PCM1: variants seen among roughly 807,000 people sequenced by gnomAD.
The protein encoded by PCM1 is pericentriolar material 1.
A neutral mutation model predicts 241.9 loss-of-function variants in PCM1; 157 were observed. The ratio of observed to expected loss-of-function variants is 0.65; its 90% CI spans 0.57 to 0.74. PCM1 has a LOEUF of 0.74. PCM1 is among the 30% of genes least tolerant of loss of function. PCM1 has a pLI of 0.00. For missense variants in PCM1, 3,478 were observed against 2,360.1 expected (o/e 1.47, Z -9.81); for synonymous variants, 1,085 against 784.9 (o/e 1.38, Z -6.39).
At chr8:17,964,418 T>G in intron 17 of PCM1, 150 bp from the exon 18 acceptor site, 1 of 571,512 alleles carries the variant, frequency 1.7e-6, no homozygotes, top group East Asian at 2.8e-5. Context: ...ATAGGGAGAG[T>G]GCCACCCGTA....
rs369115996 is a variant in PCM1, at chr8:18,025,419, A to C, written c.5900A>C (p.Glu1967Ala). ...KSDEEDFVKV[E>A]DLPLKLTIYS... ...GATGAAGAAGATTTTGTAAAAGTTGAAGATTTACCACTGAAACTGACAATA... is the reference window on the plus strand; with the variant it reads ...GATGAAGAAGATTTTGTAAAAGTTGCAGATTTACCACTGAAACTGACAATA... Residue 1967 changes from glutamate (E) to alanine (A), a missense_variant, in exon 37 of 39, where the codon GAA becomes GCA. Physicochemically the swap from Glu to Ala is moderately radical, Grantham distance 107 (BLOSUM62 -1). Transcript: ENST00000325083. 8 of 1,603,162 alleles carry C rather than the reference A, an allele frequency of 5.0e-6. No homozygotes were observed. The highest frequency in any genetic ancestry group is 6.8e-6 in the Non-Finnish European group (8 of 1,172,330).
chr8:17,960,498 G>A (rs1298792628), intron 15 of PCM1, 54 bp downstream of exon 15: 19 of 1,402,732 alleles, frequency 1.4e-5, no homozygotes, highest in Admixed American at 2.3e-5. Flanking sequence ...AAAACCTTAG[G>A]TCAACTGAAA....
At chr8:18,022,650 G>A (rs2093848825) in intron 36 of PCM1, among the ~76,000 whole-genome samples, 1 of 152,150 alleles carries the variant, frequency 6.6e-6, no homozygotes. Context: ...TTATCACTAT[G>A]GACAGAAAAC....
chr8:17,958,287 G>A (rs191715679), intron 13 of PCM1, among the ~76,000 whole-genome samples: 3 of 152,020 alleles, frequency 2.0e-5, no homozygotes, highest in Non-Finnish European at 2.9e-5. Context: ...CAGAGCCTGC[G>A]ATCTTAACCT....
At chr8:17,975,833 T>G (rs943253119) in intron 23 of PCM1, among the ~76,000 whole-genome samples, 4 of 152,186 alleles carry the variant, frequency 2.6e-5, no homozygotes, top group Non-Finnish European at 4.4e-5. Flanking sequence ...GCATATGAGG[T>G]AAGAATATAT....
intron 2 of PCM1, chr8:17,926,540 C>G (rs1289511552): frequency 1.3e-5 from 2 of 152,192 alleles, no homozygotes; most frequent in African/African-American, 2.4e-5. Context: ...ATAGTGATCA[C>G]AGGCAATGCC....
At chr8:17,950,339 T>A (rs1586534351) in intron 7 of PCM1, among the ~76,000 whole-genome samples, 1 of 152,306 alleles carries the variant, frequency 6.6e-6, no homozygotes, top group African/African-American at 2.4e-5. Context: ...ACTGAGTCAC[T>A]ACTATTAATT....
In PCM1 at chr8:17,947,138, C is replaced by G. The variant is rs1336297723; in HGVS notation, c.784-48C>G. ...TTGCCATTGATAATTGAAACCGCAACATGGATTTTAATAGTCAGATACAAG... is the reference window on the plus strand; with the variant it reads ...TTGCCATTGATAATTGAAACCGCAAGATGGATTTTAATAGTCAGATACAAG... On this transcript the variant is annotated intron_variant, in intron 6 of 38. Coordinates refer to ENST00000325083, the MANE Select transcript of PCM1 (RefSeq NM_006197.4). The G allele has an allele frequency of 6.5e-6, 8 of 1,234,316 alleles. No homozygotes were observed. In the South Asian group the frequency reaches 9.0e-5, roughly 14 times the overall value. 76.5% of individuals were successfully genotyped at this position (1,234,316 alleles called of 1,614,324 possible). A position where few individuals can be genotyped will look rare whatever the true frequency, so the allele number is the denominator to read the frequency against.
chr8:18,016,020 C>T (rs1212524223), intron 36 of PCM1, among the ~76,000 whole-genome samples: 1 of 152,204 alleles, frequency 6.6e-6, no homozygotes, highest in Non-Finnish European at 1.5e-5. Flanking sequence ...TCCCGAGTAG[C>T]TGGGATTACA....
chr8:18,019,951 T>A (rs2093626174), intron 36 of PCM1, among the ~76,000 whole-genome samples: 1 of 152,154 alleles, frequency 6.6e-6, no homozygotes, highest in Non-Finnish European at 1.5e-5. Context: ...CTAAGGCAGT[T>A]AAGGGAGTTC....
At chr8:18,009,355 GTGTATACTCTTTA>G (rs2092088584) in intron 30 of PCM1, among the ~76,000 whole-genome samples, 179 bp from the exon 31 acceptor site, 1 of 152,134 alleles carries the variant, frequency 6.6e-6, no homozygotes, top group South Asian at 2.1e-4. Flanking sequence ...TTCTTCCCTT[GTGTATACTCTTTA>G]AGCAGGACTA....
chr8:17,955,198 A>G (rs146409430), intron 9 of PCM1, among the ~76,000 whole-genome samples: 1 of 152,152 alleles, frequency 6.6e-6, no homozygotes, highest in East Asian at 1.9e-4. Context: ...ATTCTTGTCA[A>G]TTTCCATCTT....
intron 31 of PCM1, among the ~76,000 whole-genome samples, chr8:18,010,370 G>C (rs979999875): frequency 2.0e-5 from 3 of 152,144 alleles, no homozygotes; most frequent in African/African-American, 7.2e-5. Flanking sequence ...AGTAGACGAA[G>C]TCAGGCTGTC....
At chr8:18,025,908 T>C (rs1024596795) in intron 38 of PCM1, among the ~76,000 whole-genome samples, 3 of 152,038 alleles carry the variant, frequency 2.0e-5, no homozygotes, top group African/African-American at 2.4e-5. Flanking sequence ...CTCACGCCTG[T>C]AATCCCAGCA....
chr8:17,960,245 T>C, intron 14 of PCM1, 70 bp from the exon 15 acceptor site: 2 of 1,554,152 alleles, frequency 1.3e-6, no homozygotes, highest in South Asian at 2.4e-5. Context: ...CTAGGTACTG[T>C]GTTATGTTGT....
rs896229892 is a variant in PCM1 at position 17,952,846 on chromosome 8, C to T, written c.1072-124C>T. 6.3e-6 allele frequency: 4 copies of T among 636,344 alleles called. No individual in the cohort carries two copies. The African/African-American group carries it at 7.3e-5, about 12-fold the overall frequency. The allele number at this position is 636,344 out of a possible 1,614,324, so 39.4% of individuals were successfully genotyped here. On this transcript the variant is annotated intron_variant, in intron 8 of 38. Coordinates refer to ENST00000325083, the MANE Select transcript of PCM1 (RefSeq NM_006197.4). ...GGGAATAGTAAGGGTATATACTTAC[C>T]TACCAGCACAGCCTAGCAAATATTT...
intron 29 of PCM1, among the ~76,000 whole-genome samples, chr8:17,998,636 G>A (rs2087913041): frequency 6.6e-6 from 1 of 152,100 alleles, no homozygotes; most frequent in African/African-American, 2.4e-5. Flanking sequence ...CACAGCACTG[G>A]GGCTTGCCCA....
chr8:17,981,556 G>C (rs773482873), intron 24 of PCM1, among the ~76,000 whole-genome samples: 3 of 152,094 alleles, frequency 2.0e-5, no homozygotes, highest in Non-Finnish European at 4.4e-5. Flanking sequence ...GCAATAACAT[G>C]ACATTAGACT....
chr8:18,006,653 G>T (rs1293092079), intron 30 of PCM1, among the ~76,000 whole-genome samples: 1 of 152,014 alleles, frequency 6.6e-6, no homozygotes, highest in Non-Finnish European at 1.5e-5. Context: ...TTACTGGTTT[G>T]GTTTATCTTC....
Sources: allele counts gnomAD v4.1 joint callset (sites outside exome capture counted in the v4.1 genomes callset), GRCh38; gene constraint gnomAD v4.1.1; transcripts MANE v1.5; gene names NCBI Gene and HGNC (gene_info 2026-07-23, HGNC 2026-07-21).